ZNF804A: variants seen among roughly 807,000 people sequenced by gnomAD.
ZNF804A encodes zinc finger protein 804A.
Under a neutral mutation model 16.5 loss-of-function variants are expected in ZNF804A, and 2 were observed. The observed-to-expected ratio is 0.12, with a 90% CI of 0.05 to 0.38. The LOEUF (loss-of-function observed/expected upper bound fraction) is 0.38, where lower values mean the gene tolerates loss of function less well. Ranked by LOEUF, ZNF804A falls within the 10% of genes least tolerant of loss-of-function variation. The pLI is 0.99. For missense variants in ZNF804A, 1,473 were observed against 1,390.7 expected (o/e 1.06, Z -0.94); for synonymous variants, 534 against 489.6 (o/e 1.09, Z -1.20).
Position 184,850,229 on chromosome 2 carries a change from G to T in ZNF804A, c.112-16140G>T, listed in dbSNP as rs375585476. On this transcript the variant is annotated intron_variant, in intron 1 of 3. Coordinates refer to ENST00000302277, the MANE Select transcript of ZNF804A (RefSeq NM_194250.2). ...ATAATTAAAAGAGTGGAATTAGAAG[G>T]TTCCTAACACAAAGAAATGATGAAT... is the stretch of plus-strand genomic sequence containing the variant. Among the ~76,000 whole-genome samples the T allele has an allele frequency of 3.6e-4, 55 of 151,924 alleles. No homozygotes were observed. The Middle Eastern group carries it at 0.01, about 28-fold the overall frequency.
intron 1 of ZNF804A, among the ~76,000 whole-genome samples, chr2:184,784,726 A>T (rs928414320): frequency 6.6e-6 from 1 of 152,038 alleles, no homozygotes; most frequent in African/African-American, 2.4e-5. Context: ...CAAGGGTTGC[A>T]GCTGATTTCT....
intron 1 of ZNF804A, among the ~76,000 whole-genome samples, chr2:184,775,562 G>A (rs148856378): frequency 2.6e-5 from 4 of 151,704 alleles, no homozygotes; most frequent in African/African-American, 9.6e-5. Flanking sequence ...GAACTCCTGA[G>A]CCAATTTTGG....
intron 1 of ZNF804A, among the ~76,000 whole-genome samples, chr2:184,698,876 T>A (rs532368906): frequency 3.9e-5 from 6 of 152,106 alleles, no homozygotes; most frequent in Non-Finnish European, 8.8e-5. Flanking sequence ...CTTTTTTAAA[T>A]AAGCAATTCA....
At chr2:184,855,553 A>T (rs946766924) in intron 1 of ZNF804A, among the ~76,000 whole-genome samples, 2 of 151,956 alleles carry the variant, frequency 1.3e-5, no homozygotes, top group East Asian at 3.9e-4. Flanking sequence ...TAGATCAATG[A>T]AGAGTATATA....
intron 1 of ZNF804A, among the ~76,000 whole-genome samples, chr2:184,661,937 GA>G (rs1692181432): frequency 6.6e-6 from 1 of 152,080 alleles, no homozygotes; most frequent in South Asian, 2.1e-4. Flanking sequence ...TTACATGCTT[GA>G]AAAATAAGCC....
chr2:184,848,247 C>T (rs963960164), intron 1 of ZNF804A, among the ~76,000 whole-genome samples: 1 of 151,896 alleles, frequency 6.6e-6, no homozygotes, highest in Admixed American at 6.6e-5. Context: ...TTGGGAGAAT[C>T]CAAACATTTT....
chr2:184,928,902 C>T (rs999228565), intron 2 of ZNF804A, among the ~76,000 whole-genome samples: 3 of 152,162 alleles, frequency 2.0e-5, no homozygotes, highest in African/African-American at 7.2e-5. Flanking sequence ...AGAATGGCCA[C>T]TTCTGGGGGT....
At chr2:184,700,141 G>A (rs537784131) in intron 1 of ZNF804A, among the ~76,000 whole-genome samples, 1 of 152,146 alleles carries the variant, frequency 6.6e-6, no homozygotes, top group African/African-American at 2.4e-5. Context: ...ATATTCTAAA[G>A]TCATATTTGT....
chr2:184,829,359 A>G (rs533781444), intron 1 of ZNF804A, among the ~76,000 whole-genome samples: 188 of 152,122 alleles, frequency 1.2e-3, no homozygotes, highest in Non-Finnish European at 2.4e-3. Context: ...TAATAGACAT[A>G]GAAGACATTA....
At position 184,863,533 on chromosome 2, in the gene ZNF804A, C is replaced by G. The variant is rs187365702; in HGVS notation, c.112-2836C>G. ...TAAACAGAAACCAATTATTGCTTCT[C>G]TAGAGGAATATCAAACTTATTAAAA... On this transcript the variant is annotated intron_variant, in intron 1 of 3. Transcript: ENST00000302277. Among the ~76,000 whole-genome samples the G allele has an allele frequency of 3.3e-5, 5 of 149,888 alleles. No individual in the cohort carries two copies. The East Asian group carries it at 9.7e-4, about 29-fold the overall frequency.
intron 1 of ZNF804A, among the ~76,000 whole-genome samples, chr2:184,825,224 A>G (rs1306691650): frequency 6.6e-6 from 1 of 152,160 alleles, no homozygotes; most frequent in Admixed American, 6.6e-5. Flanking sequence ...TATCTGATGG[A>G]TAAATAAATT....
chr2:184,698,108 T>A (rs991823966), intron 1 of ZNF804A, among the ~76,000 whole-genome samples: 2 of 152,058 alleles, frequency 1.3e-5, no homozygotes, highest in Admixed American at 6.6e-5. Flanking sequence ...GTTTTTCCAG[T>A]AAAATTCACA....
At chr2:184,675,581 G>C (rs953562329) in intron 1 of ZNF804A, among the ~76,000 whole-genome samples, 1 of 151,804 alleles carries the variant, frequency 6.6e-6, no homozygotes, top group Admixed American at 6.6e-5. Flanking sequence ...ACCTTACTGT[G>C]TGCCAGATAC....
chr2:184,624,524 A>G (rs1691468056), intron 1 of ZNF804A, among the ~76,000 whole-genome samples: 1 of 152,182 alleles, frequency 6.6e-6, no homozygotes, highest in African/African-American at 2.4e-5. Context: ...GACTGAGCAT[A>G]TGTGCCAAGT....
chr2:184,810,578 C>T (rs1454786778), intron 1 of ZNF804A, among the ~76,000 whole-genome samples: 4 of 150,606 alleles, frequency 2.7e-5, no homozygotes, highest in Admixed American at 6.6e-5. Context: ...GCAGGCTCCG[C>T]CTCCCAGGTT....
At chr2:184,834,221 A>C (rs2105797050) in intron 1 of ZNF804A, among the ~76,000 whole-genome samples, 1 of 152,228 alleles carries the variant, frequency 6.6e-6, no homozygotes, top group Middle Eastern at 3.4e-3. Flanking sequence ...TCAAATAATA[A>C]CTGTTTATTT....
intron 1 of ZNF804A, among the ~76,000 whole-genome samples, chr2:184,822,424 T>C (rs1283672313): frequency 1.3e-5 from 2 of 151,918 alleles, no homozygotes. Flanking sequence ...TCAGGAAGAA[T>C]AGCTAATGGA....
intron 1 of ZNF804A, among the ~76,000 whole-genome samples, chr2:184,854,328 T>C (rs569755542): frequency 1.3e-5 from 2 of 152,060 alleles, no homozygotes; most frequent in Admixed American, 1.3e-4. Context: ...CTTGCAGCTG[T>C]GAAATAACTT....
At chr2:184,863,570 C>T (rs1320176401) in intron 1 of ZNF804A, among the ~76,000 whole-genome samples, 1 of 151,438 alleles carries the variant, frequency 6.6e-6, no homozygotes, top group Admixed American at 6.6e-5. Flanking sequence ...AAAAAAACAC[C>T]TTACAACATA....
Sources: gnomAD v4.1 joint callset for allele counts (sites outside exome capture counted in the v4.1 genomes callset) on GRCh38, gnomAD v4.1.1 for gene constraint, MANE v1.5 for transcripts, NCBI Gene and HGNC (gene_info 2026-07-23, HGNC 2026-07-21) for gene names.